ELF2: variants seen among roughly 807,000 people sequenced by gnomAD.
ELF2 encodes ETS-related transcription factor Elf-2.
In ELF2, 11 loss-of-function variants were observed where a neutral mutation model predicts 54.8. The ratio of observed to expected loss-of-function variants is 0.20; its 90% CI spans 0.13 to 0.33. The LOEUF (loss-of-function observed/expected upper bound fraction) is 0.33. Ranked by LOEUF, ELF2 falls within the 10% of genes least tolerant of loss-of-function variation. The pLI, the probability that ELF2 is intolerant of heterozygous loss-of-function variation, is 1.00. For synonymous variants in ELF2, 203 were observed against 245.1 expected (o/e 0.83, Z 1.61); for missense variants, 513 against 703.0 (o/e 0.73, Z 3.06).
At chr4:139,121,300 G>C (rs1412742113) in intron 4 of ELF2, among the ~76,000 whole-genome samples, 3 of 150,748 alleles carry the variant, frequency 2.0e-5, no homozygotes, top group Non-Finnish European at 4.4e-5. Flanking sequence ...AGTAGAGACG[G>C]GGTTTCACCG....
At chr4:139,151,061 A>AAAGG (rs1739906274) in intron 1 of ELF2, among the ~76,000 whole-genome samples, 1 of 135,144 alleles carries the variant, frequency 7.4e-6, no homozygotes, top group Admixed American at 9.2e-5. Context: ...AGAAAGAAAG[A>AAAGG]AAGAAAGAAA....
At chr4:139,172,238 A>G (rs1578995075) in intron 1 of ELF2, among the ~76,000 whole-genome samples, 2 of 152,256 alleles carry the variant, frequency 1.3e-5, no homozygotes, top group Non-Finnish European at 2.9e-5. Context: ...GTCAACAGCT[A>G]AAGTGTGTTA....
chr4:139,095,012 T>A (rs1156606262), intron 4 of ELF2, among the ~76,000 whole-genome samples: 1 of 152,148 alleles, frequency 6.6e-6, no homozygotes, highest in African/African-American at 2.4e-5. Context: ...TCTTAAATTT[T>A]ATGTGTTAAT....
intron 1 of ELF2, among the ~76,000 whole-genome samples, chr4:139,152,947 G>A (rs1331857025): frequency 2.2e-5 from 3 of 134,300 alleles, no homozygotes; most frequent in Non-Finnish European, 3.1e-5. Flanking sequence ...CCAGGCTGAA[G>A]TGCAGTGGTG....
intron 4 of ELF2, among the ~76,000 whole-genome samples, chr4:139,083,297 C>A (rs1055409609): frequency 7.2e-5 from 11 of 152,154 alleles, no homozygotes; most frequent in Non-Finnish European, 1.6e-4. Context: ...AATAAATGTT[C>A]TTCTCTGACG....
chr4:139,080,256 T>C (rs1323998763), intron 4 of ELF2, among the ~76,000 whole-genome samples: 1 of 152,200 alleles, frequency 6.6e-6, no homozygotes, highest in African/African-American at 2.4e-5. Context: ...CTGCAATGAA[T>C]TGTGAAGGGT....
chr4:139,175,943 T>G (rs1742868270), intron 1 of ELF2, among the ~76,000 whole-genome samples: 1 of 152,252 alleles, frequency 6.6e-6, no homozygotes, highest in Non-Finnish European at 1.5e-5. Flanking sequence ...CGATCTGGAT[T>G]ATTCTTGGTG....
At chr4:139,112,648 C>T (rs1735069143) in intron 4 of ELF2, among the ~76,000 whole-genome samples, 1 of 152,156 alleles carries the variant, frequency 6.6e-6, no homozygotes, top group Admixed American at 6.5e-5. Flanking sequence ...TAGCCTTCTC[C>T]TCAGTCTGAA....
At chr4:139,121,630 C>T (rs1371778236) in intron 4 of ELF2, among the ~76,000 whole-genome samples, 1 of 152,062 alleles carries the variant, frequency 6.6e-6, no homozygotes, top group Non-Finnish European at 1.5e-5. Flanking sequence ...GTCTATCCAG[C>T]AGGCCCCTAG....
chr4:139,100,524 G>T (rs977711073), intron 4 of ELF2: 8 of 152,352 alleles, frequency 5.3e-5, no homozygotes, highest in African/African-American at 1.9e-4. Context: ...GGACCACAAG[G>T]TTGCCTAAGG....
intron 1 of ELF2, among the ~76,000 whole-genome samples, chr4:139,154,617 A>G (rs189719838): frequency 6.6e-6 from 1 of 151,624 alleles, no homozygotes; most frequent in African/African-American, 2.4e-5. Flanking sequence ...CAATTTGCCT[A>G]CTAGGAAATT....
At chr4:139,092,664 G>C (rs1732798040) in intron 4 of ELF2, among the ~76,000 whole-genome samples, 1 of 151,824 alleles carries the variant, frequency 6.6e-6, no homozygotes, top group African/African-American at 2.4e-5. Flanking sequence ...AGCCAGACAT[G>C]GCGGTGGCCG....
Position 139,144,286 on chromosome 4 carries a change from G to C in ELF2, c.-251-4789C>G, listed in dbSNP as rs564456866. Among the ~76,000 whole-genome samples, 16 of 152,170 alleles carry C rather than the reference G, an allele frequency of 1.1e-4. 1 individual carries two copies. The highest frequency in any genetic ancestry group is 3.6e-4 in the African/African-American group (15 of 41,542). On this transcript the variant is annotated intron_variant, in intron 1 of 9. Coordinates refer to ENST00000686138, the MANE Select transcript of ELF2 (RefSeq NM_001331036.3). ...CCACCCAGTGCTAAAACTAATATAG[G>C]GAGCAGTGGAGAATATACAAGAAGC...
chr4:139,095,466 T>G (rs915414202), intron 4 of ELF2, among the ~76,000 whole-genome samples: 1 of 152,098 alleles, frequency 6.6e-6, no homozygotes, highest in Non-Finnish European at 1.5e-5. Flanking sequence ...ATTACAGGCA[T>G]GAGCCACTGT....
intron 4 of ELF2, among the ~76,000 whole-genome samples, chr4:139,074,251 G>C (rs1729950351): frequency 6.6e-6 from 1 of 152,176 alleles, no homozygotes; most frequent in South Asian, 2.1e-4. Context: ...TGTGGGAAGG[G>C]AGGAAGGGTC....
At chr4:139,133,233 A>G (rs1051775806) in intron 3 of ELF2, among the ~76,000 whole-genome samples, 4 of 152,154 alleles carry the variant, frequency 2.6e-5, no homozygotes, top group African/African-American at 9.7e-5. Flanking sequence ...CATTCTTATA[A>G]GCAATAAGGA....
chr4:139,136,493 C>T (rs200876956), intron 3 of ELF2, among the ~76,000 whole-genome samples: 1 of 120,612 alleles, frequency 8.3e-6, no homozygotes, highest in South Asian at 2.5e-4. Flanking sequence ...GCCATTATAC[C>T]GTTATACTGG....
At chr4:139,172,312 C>T (rs1036090964) in intron 1 of ELF2, among the ~76,000 whole-genome samples, 3 of 152,218 alleles carry the variant, frequency 2.0e-5, no homozygotes, top group Middle Eastern at 3.2e-3. Context: ...CAAACATGGT[C>T]TGAAAATGAT....
intron 4 of ELF2, among the ~76,000 whole-genome samples, chr4:139,118,767 A>G (rs1736018248): frequency 6.6e-6 from 1 of 152,196 alleles, no homozygotes; most frequent in South Asian, 2.1e-4. Context: ...ATTCTAATGT[A>G]TAAAAGTCCT....
Sources: gnomAD v4.1 joint callset for allele counts (sites outside exome capture counted in the v4.1 genomes callset) on GRCh38, gnomAD v4.1.1 for gene constraint, MANE v1.5 for transcripts, NCBI Gene and HGNC (gene_info 2026-07-23, HGNC 2026-07-21) for gene names.